MAN2B1: variants seen among roughly 807,000 people sequenced by gnomAD.
The protein encoded by MAN2B1 is mannosidase alpha class 2B member 1.
In MAN2B1, 99 loss-of-function variants were observed where a neutral mutation model predicts 127.5. The ratio of observed to expected loss-of-function variants is 0.78; its 90% CI spans 0.66 to 0.92. The LOEUF (loss-of-function observed/expected upper bound fraction) is 0.92. Ranked by LOEUF, MAN2B1 falls within the 40% of genes least tolerant of loss-of-function variation. The pLI is 0.00. For synonymous variants in MAN2B1, 573 were observed against 568.8 expected (o/e 1.01, Z -0.11); for missense variants, 1,304 against 1,384.8 (o/e 0.94, Z 0.93).
intron 14 of MAN2B1, among the ~76,000 whole-genome samples, chr19:12,654,545 G>A (rs766732545): frequency 8.5e-5 from 13 of 152,216 alleles, no homozygotes; most frequent in Non-Finnish European, 1.9e-4. Flanking sequence ...TCTGATGTGT[G>A]AACCACAATG....
At chr19:12,652,559 T>A in intron 14 of MAN2B1, 99 bp from the exon 15 acceptor site, 1 of 804,740 alleles carries the variant, frequency 1.2e-6, no homozygotes, top group Non-Finnish European at 2.0e-6. Flanking sequence ...TGAGACTGAG[T>A]CTCACTCTGT....
rs1384851767 is a variant in MAN2B1 at position 12,655,886 on chromosome 19, T to C, written c.1645-7A>G. 7 of 1,612,154 alleles carry C rather than the reference T, an allele frequency of 4.3e-6. No homozygotes were observed. The Admixed American group carries it at 1.2e-4, about 27-fold the overall frequency. ...AGCTGGGAAATATTACCACCTCGGATAAAGGAGGAGGGAAACTGAGTCAAG... is the reference window on the plus strand; with the variant it reads ...AGCTGGGAAATATTACCACCTCGGACAAAGGAGGAGGGAAACTGAGTCAAG... On this transcript the variant is annotated splice_polypyrimidine_tract_variant and splice_region_variant and intron_variant, in intron 13 of 23. Coordinates refer to ENST00000456935, the MANE Select transcript of MAN2B1 (RefSeq NM_000528.4).
At chr19:12,661,487 G>T in intron 6 of MAN2B1, 111 bp from the exon 7 acceptor site, 2 of 788,808 alleles carry the variant, frequency 2.5e-6, no homozygotes, top group Non-Finnish European at 2.3e-6. Flanking sequence ...GCATGGGTGG[G>T]GGTATGGCAC....
At chr19:12,663,288 G>T in intron 6 of MAN2B1, 29 bp downstream of exon 6, 2 of 1,613,654 alleles carry the variant, frequency 1.2e-6, no homozygotes, top group Non-Finnish European at 1.7e-6. Flanking sequence ...GTATATACCG[G>T]ACTCGAAGGT....
chr19:12,656,113 G>C, intron 13 of MAN2B1: 1 of 479,250 alleles, frequency 2.1e-6, no homozygotes, highest in Non-Finnish European at 3.7e-6. Flanking sequence ...GAGTGAAGGA[G>C]GAAGTAGGGG....
In MAN2B1 at chr19:12,666,549, T is replaced by C; in HGVS notation, c.153A>G (p.Gly51=). 6.3e-7 allele frequency: 1 copy of C among 1,581,844 alleles called. No homozygotes were observed. Among genetic ancestry groups the C allele is most frequent in the Non-Finnish European group, 8.6e-7 (1 of 1,164,600 alleles). ...GCTCGGAGGCCCCACTCACCTCGTATCCCCCGGCCCGAGCACCGGCAGCCG... is the reference window on the plus strand; with the variant it reads ...GCTCGGAGGCCCCACTCACCTCGTACCCCCCGGCCCGAGCACCGGCAGCCG... ...LLAAAGARAG[G]YETCPTVQPN... is the part of the protein sequence containing the mutation. Residue 51 remains glycine, a synonymous_variant, in exon 1 of 24, where the codon GGA becomes GGG. Transcript: ENST00000456935.
In MAN2B1 at chr19:12,655,705, T is replaced by C; in HGVS notation, c.1819A>G (p.Ile607Val). The C allele has an allele frequency of 6.2e-7, 1 of 1,608,816 alleles. No individual in the cohort carries two copies. Among genetic ancestry groups the C allele is most frequent in the Non-Finnish European group, 8.5e-7 (1 of 1,176,794 alleles). Residue 607 changes from isoleucine (I) to valine (V), a missense_variant, in exon 14 of 24, where the codon ATC becomes GTC. Coordinates refer to ENST00000456935, the MANE Select transcript of MAN2B1 (RefSeq NM_000528.4). ...AAATGGGGTCTCACCTCATTTTCGATGGTTAAAGCAGGGGACCAGGATCTT... is the reference window on the plus strand; with the variant it reads ...AAATGGGGTCTCACCTCATTTTCGACGGTTAAAGCAGGGGACCAGGATCTT... ...PRRSWSPALT[I>V]ENEHIRATFD...
chr19:12,650,715 G>A (rs891683653), intron 16 of MAN2B1, among the ~76,000 whole-genome samples: 2 of 148,442 alleles, frequency 1.3e-5, no homozygotes, highest in Non-Finnish European at 3.0e-5. Context: ...TTGTTGCCCA[G>A]GATGGAGTGC....
chr19:12,646,762 AGGAGGTGCAGACTTCCT>A (rs2023698232), intron 23 of MAN2B1, 30 bp from the exon 24 acceptor site: 1 of 1,504,860 alleles, frequency 6.6e-7, no homozygotes, highest in South Asian at 1.1e-5. Flanking sequence ...AGGAGGAGTG[AGGAGGTGCAGACTTCCT>A]CTGACTCACC....
At chr19:12,661,674 T>C (rs969634008) in intron 6 of MAN2B1, among the ~76,000 whole-genome samples, 1 of 151,980 alleles carries the variant, frequency 6.6e-6, no homozygotes, top group South Asian at 2.1e-4. Flanking sequence ...TGATGGTGAA[T>C]AGAATAGCAT....
chr19:12,658,483 G>A lies in MAN2B1; in HGVS notation c.1054C>T (p.Leu352Phe). The A allele has an allele frequency of 6.2e-7, 1 of 1,614,206 alleles. No homozygotes were observed. Among genetic ancestry groups the A allele is most frequent in the Non-Finnish European group, 8.5e-7 (1 of 1,180,040 alleles). ...QQAKGSSVHV[L>F]YSTPACYLWE... ...AGGTAACAAGCGGGGGTGGAGTAGAGAACATGGACACTGCTTCCTTTTGCC... is the reference window on the plus strand; with the variant it reads ...AGGTAACAAGCGGGGGTGGAGTAGAAAACATGGACACTGCTTCCTTTTGCC... Residue 352 changes from leucine (L) to phenylalanine (F), a missense_variant, in exon 8 of 24, where the codon CTC becomes TTC. Leu to Phe is a conservative substitution (Grantham distance 22, BLOSUM62 0). Transcript: ENST00000456935.
chr19:12,666,486 CTG>C lies in MAN2B1; in HGVS notation c.159+55_159+56del. On this transcript the variant is annotated intron_variant, in intron 1 of 23. Transcript: ENST00000456935. ...GGACAGACCCACCCACACCTCTAGACTGTATTCTGGGTTTCACTCTGCCTCCT... is the reference window on the plus strand; with the variant it reads ...GGACAGACCCACCCACACCTCTAGACTATTCTGGGTTTCACTCTGCCTCCT... The C allele has an allele frequency of 2.6e-6, 4 of 1,547,496 alleles. No individual in the cohort carries two copies. In the South Asian group the frequency reaches 3.6e-5, roughly 14 times the overall value.
intron 7 of MAN2B1, 32 bp from the exon 8 acceptor site, chr19:12,658,542 G>A (rs1240374394): frequency 6.2e-7 from 1 of 1,604,142 alleles, no homozygotes; most frequent in East Asian, 2.2e-5. Context: ...TGAGCCCTCG[G>A]GAGTCCGCAC....
chr19:12,649,854 C>CCCCCCCTGG, intron 18 of MAN2B1, 59 bp downstream of exon 18: 1 of 1,361,622 alleles, frequency 7.3e-7, no homozygotes, highest in Non-Finnish European at 1.0e-6. Flanking sequence ...TTTCCCTCAC[C>CCCCCCCTGG]ACCCCTGGGC....
At chr19:12,655,902 C>G in intron 13 of MAN2B1, 23 bp from the exon 14 acceptor site, 4 of 1,608,884 alleles carry the variant, frequency 2.5e-6, no homozygotes, top group Non-Finnish European at 3.4e-6. Flanking sequence ...AGGAGGGAAA[C>G]TGAGTCAAGA....
At chr19:12,662,445 T>C (rs2024130347) in intron 6 of MAN2B1, among the ~76,000 whole-genome samples, 1 of 151,742 alleles carries the variant, frequency 6.6e-6, no homozygotes, top group Non-Finnish European at 1.5e-5. Flanking sequence ...CTGGCCAATA[T>C]GGTGAAACCC....
intron 18 of MAN2B1, 137 bp downstream of exon 18, chr19:12,649,776 C>T (rs925719482): frequency 2.6e-6 from 2 of 782,510 alleles, no homozygotes; most frequent in Non-Finnish European, 4.4e-6. Context: ...GCCACTGCAC[C>T]CTGCCTGGCT....
Position 12,657,335 on chromosome 19 carries a change from G to T in MAN2B1, c.1419+111C>A, listed in dbSNP as rs556213411. On this transcript the variant is annotated intron_variant, in intron 11 of 23. Transcript: ENST00000456935. ...CGCCCCCACGAGCCCTTGTAGCCCCGCCACAGGGCTCTCGGCTACGCCTCA... is the reference window on the plus strand; with the variant it reads ...CGCCCCCACGAGCCCTTGTAGCCCCTCCACAGGGCTCTCGGCTACGCCTCA... 20 of 625,428 alleles carry T rather than the reference G, an allele frequency of 3.2e-5. No individual in the cohort carries two copies. In the South Asian group the frequency reaches 4.6e-4, roughly 14 times the overall value. The allele number at this position is 625,428 out of a possible 1,614,324, so 38.7% of individuals were successfully genotyped here.
intron 7 of MAN2B1, chr19:12,658,850 C>A (rs749920): frequency 0.03 from 10,701 of 355,554 alleles, 663 homozygotes; most frequent in African/African-American, 0.16. Flanking sequence ...CAGATTGTTA[C>A]CAAAAAACAC....
Sources: gnomAD v4.1 joint callset for allele counts (sites outside exome capture counted in the v4.1 genomes callset) on GRCh38, gnomAD v4.1.1 for gene constraint, MANE v1.5 for transcripts, NCBI Gene and HGNC (gene_info 2026-07-23, HGNC 2026-07-21) for gene names.